CNBD1: variants seen among roughly 807,000 people sequenced by gnomAD.
CNBD1 encodes cyclic nucleotide binding domain containing 1.
CNBD1 carries 71 observed loss-of-function variants against 54.4 expected under a neutral mutation model. That is an observed-to-expected ratio of 1.30 (90% CI 1.08 to 1.59). The LOEUF (loss-of-function observed/expected upper bound fraction) is 1.59. Ranked by LOEUF, CNBD1 falls within the 40% of genes most tolerant of loss-of-function variation. CNBD1 has a pLI of 0.00. For missense variants in CNBD1, 659 were observed against 518.0 expected (o/e 1.27, Z -2.64); for synonymous variants, 182 against 170.7 (o/e 1.07, Z -0.51).
At chr8:87,331,519 A>G (rs1353025255) in intron 8 of CNBD1, among the ~76,000 whole-genome samples, 1 of 152,180 alleles carries the variant, frequency 6.6e-6, no homozygotes, top group South Asian at 2.1e-4. Context: ...GCTGCAATAA[A>G]CATATGTGTG....
intron 3 of CNBD1, among the ~76,000 whole-genome samples, chr8:86,906,704 C>A (rs1333333573): frequency 6.6e-6 from 1 of 152,102 alleles, no homozygotes; most frequent in Admixed American, 6.5e-5. Flanking sequence ...ATCATCTTGC[C>A]CTCATATTTA....
rs201178676 is a variant in CNBD1 at position 87,163,079 on chromosome 8, TAC to T, written c.432-42910_432-42909del. Among the ~76,000 whole-genome samples the T allele has an allele frequency of 1.3e-5, 2 of 152,200 alleles. No individual in the cohort carries two copies. Among genetic ancestry groups the T allele is most frequent in the East Asian group, 3.9e-4 (2 of 5,180 alleles). On this transcript the variant is annotated intron_variant, in intron 4 of 10. Transcript: ENST00000518476. This position sits in a 1 kb window ranked among gnomAD's most constrained non-coding sequence, Gnocchi z 4.5. ...GAGCAGCCTTCACCACATACCAAAG[TAC>T]ACAGTCTTAGGTATTAATATTTTGT...
At chr8:86,984,778 A>G (rs190815533) in intron 4 of CNBD1, among the ~76,000 whole-genome samples, 2 of 152,268 alleles carry the variant, frequency 1.3e-5, no homozygotes, top group African/African-American at 2.4e-5. Flanking sequence ...TGTATCTAGG[A>G]AGTAACTAAC....
chr8:87,223,870 T>C (rs1470699531), intron 5 of CNBD1, among the ~76,000 whole-genome samples: 2 of 152,104 alleles, frequency 1.3e-5, no homozygotes, highest in East Asian at 3.9e-4. Context: ...AGTGTAAAAG[T>C]GTTCCTATTT....
intron 1 of CNBD1, among the ~76,000 whole-genome samples, chr8:86,884,107 C>G (rs372023478): frequency 6.6e-6 from 1 of 151,398 alleles, no homozygotes; most frequent in Non-Finnish European, 1.5e-5. Context: ...AGCCGAGATC[C>G]CGCCACTGCA....
chr8:87,146,813 C>T (rs1812499839), intron 4 of CNBD1, among the ~76,000 whole-genome samples: 1 of 152,138 alleles, frequency 6.6e-6, no homozygotes, highest in Non-Finnish European at 1.5e-5. Context: ...ACTGTAATAA[C>T]CTCCTACTGA....
intron 8 of CNBD1, among the ~76,000 whole-genome samples, chr8:87,335,659 A>G (rs745494704): frequency 9.2e-5 from 14 of 152,056 alleles, no homozygotes; most frequent in Middle Eastern, 3.4e-3. Context: ...TCTTTATCCA[A>G]TTTGTCAGTC....
chr8:87,260,780 A>G (rs1808121691), intron 6 of CNBD1, among the ~76,000 whole-genome samples: 1 of 151,850 alleles, frequency 6.6e-6, no homozygotes, highest in Non-Finnish European at 1.5e-5. Flanking sequence ...GGAATGTTCT[A>G]CTATAAGTTA....
At chr8:87,349,853 A>C (rs1340927608) in intron 8 of CNBD1, among the ~76,000 whole-genome samples, 1 of 152,172 alleles carries the variant, frequency 6.6e-6, no homozygotes, top group East Asian at 1.9e-4. Flanking sequence ...ATTTTGCAAC[A>C]ATGGTTTGGG....
chr8:87,414,579 A>T (rs1807806525), intron 2 of CNBD1, among the ~76,000 whole-genome samples: 1 of 152,080 alleles, frequency 6.6e-6, no homozygotes, highest in Non-Finnish European at 1.5e-5. Context: ...AAGGTTAAGA[A>T]AGTAGGGGTT....
intron 4 of CNBD1, among the ~76,000 whole-genome samples, chr8:86,985,827 G>A (rs1808593649): frequency 6.6e-6 from 1 of 152,142 alleles, no homozygotes; most frequent in African/African-American, 2.4e-5. Flanking sequence ...CAATGGTTAA[G>A]CCTTCCCCTT....
chr8:87,068,472 C>T (rs981845775), intron 4 of CNBD1, among the ~76,000 whole-genome samples: 1 of 151,908 alleles, frequency 6.6e-6, no homozygotes, highest in African/African-American at 2.4e-5. Flanking sequence ...ACCAAGGCTC[C>T]AGGTGATTAA....
At chr8:87,355,470 T>C (rs1810401969) in intron 10 of CNBD1, among the ~76,000 whole-genome samples, 1 of 152,172 alleles carries the variant, frequency 6.6e-6, no homozygotes, top group South Asian at 2.1e-4. Context: ...TTTAGAGCTC[T>C]AGTAATAATA....
chr8:86,961,058 C>G (rs1374072147), intron 4 of CNBD1, among the ~76,000 whole-genome samples: 1 of 152,192 alleles, frequency 6.6e-6, no homozygotes, highest in Non-Finnish European at 1.5e-5. Context: ...GACATTTCTA[C>G]TTTTATTTTA....
intron 10 of CNBD1, among the ~76,000 whole-genome samples, chr8:87,360,849 C>G (rs1810511223): frequency 6.6e-6 from 1 of 151,672 alleles, no homozygotes; most frequent in South Asian, 2.1e-4. Flanking sequence ...AGGAAGAATG[C>G]CTAAAGACTA....
At chr8:86,897,659 A>G (rs1008874218) in intron 2 of CNBD1, among the ~76,000 whole-genome samples, 6 of 152,212 alleles carry the variant, frequency 3.9e-5, no homozygotes, top group African/African-American at 1.2e-4. Context: ...GAAAGCAAAA[A>G]TATAATGTTT....
intron 2 of CNBD1, among the ~76,000 whole-genome samples, chr8:87,421,411 C>A (rs1218571707): frequency 3.6e-5 from 5 of 139,122 alleles, no homozygotes; most frequent in Non-Finnish European, 6.3e-5. Context: ...TCTCCCAATG[C>A]TCTCCCTCCC....
At chr8:87,032,643 G>T (rs1809819932) in intron 4 of CNBD1, among the ~76,000 whole-genome samples, 1 of 152,132 alleles carries the variant, frequency 6.6e-6, no homozygotes, top group African/African-American at 2.4e-5. Flanking sequence ...TAACTTCACA[G>T]AAATACATTG....
intron 4 of CNBD1, among the ~76,000 whole-genome samples, chr8:87,055,009 T>A (rs886571403): frequency 2.0e-5 from 3 of 152,130 alleles, no homozygotes; most frequent in Non-Finnish European, 4.4e-5. Context: ...GAAATAAAAG[T>A]CAAGAGTTAA....
Sources: allele counts gnomAD v4.1 joint callset (sites outside exome capture counted in the v4.1 genomes callset), GRCh38; gene constraint gnomAD v4.1.1; non-coding constraint Gnocchi (gnomAD v3.1); transcripts MANE v1.5; gene names NCBI Gene and HGNC (gene_info 2026-07-23, HGNC 2026-07-21).